ZFAT: variants seen among roughly 807,000 people sequenced by gnomAD.
ZFAT encodes zinc finger protein ZFAT.
In ZFAT, 64 loss-of-function variants were observed where a neutral mutation model predicts 117.7. That is an observed-to-expected ratio of 0.54 (90% CI 0.44 to 0.67). ZFAT has a LOEUF of 0.67. ZFAT is among the 30% of genes least tolerant of loss of function. ZFAT has a pLI of 0.00. For missense variants in ZFAT, 1,433 were observed against 1,584.5 expected, an observed-to-expected ratio of 0.90 and a Z score of 1.62; for synonymous variants, 679 against 615.0, an observed-to-expected ratio of 1.10 and a Z score of -1.54.
intron 10 of ZFAT, among the ~76,000 whole-genome samples, chr8:134,570,520 G>T (rs1012039488): frequency 4.6e-5 from 7 of 152,158 alleles, no homozygotes; most frequent in Non-Finnish European, 1.0e-4. Context: ...GCAGTGCACT[G>T]ATTCACCTTT....
chr8:134,722,690 G>A, the ZFAT span, among the ~76,000 whole-genome samples: 1 of 152,226 alleles, frequency 6.6e-6, no homozygotes, highest in Non-Finnish European at 1.5e-5. Flanking sequence ...GATAAGCATT[G>A]AGTGACAGGG....
intron 3 of ZFAT, among the ~76,000 whole-genome samples, chr8:134,621,986 C>T (rs1829146285): frequency 1.3e-5 from 2 of 152,238 alleles, no homozygotes; most frequent in Admixed American, 6.5e-5. Context: ...AACTTATCTG[C>T]ATCTGCAGAA....
At chr8:134,784,787 T>C in the ZFAT span, 36 of 152,344 alleles carry the variant, frequency 2.4e-4, no homozygotes, top group African/African-American at 8.4e-4. Context: ...TGGTAGTTCA[T>C]AAACTGCATT....
At chr8:134,639,166 T>C (rs1256592172) in intron 2 of ZFAT, among the ~76,000 whole-genome samples, 2 of 152,252 alleles carry the variant, frequency 1.3e-5, no homozygotes, top group Non-Finnish European at 2.9e-5. Context: ...GGAGCAGAGA[T>C]GGGCAGAACA....
At chr8:134,546,554 C>A (rs2130666051) in intron 11 of ZFAT, among the ~76,000 whole-genome samples, 1 of 152,300 alleles carries the variant, frequency 6.6e-6, no homozygotes, top group African/African-American at 2.4e-5. Context: ...AAAGCAATTT[C>A]ATCTAATCAG....
chr8:134,608,656 ATCCT>A, intron 5 of ZFAT, 69 bp downstream of exon 5: 1 of 1,525,920 alleles, frequency 6.6e-7, no homozygotes, highest in Non-Finnish European at 8.8e-7. Flanking sequence ...AAGCATGCTG[ATCCT>A]TCCTGCACTC....
the ZFAT span, among the ~76,000 whole-genome samples, chr8:134,817,096 C>G: frequency 6.6e-6 from 1 of 152,102 alleles, no homozygotes; most frequent in East Asian, 1.9e-4. Flanking sequence ...GGCTATGCTG[C>G]CCAGTTGATC....
chr8:134,633,927 T>C (rs1311231243), intron 3 of ZFAT, among the ~76,000 whole-genome samples: 1 of 152,154 alleles, frequency 6.6e-6, no homozygotes, highest in African/African-American at 2.4e-5. Flanking sequence ...ATGCCTGTAA[T>C]TGCAGCTACT....
At chr8:134,758,270 A>C in the ZFAT span, among the ~76,000 whole-genome samples, 7 of 152,226 alleles carry the variant, frequency 4.6e-5, no homozygotes, top group African/African-American at 1.2e-4. Flanking sequence ...ATGATCACCC[A>C]GGGTGAGTGC....
intron 1 of ZFAT, among the ~76,000 whole-genome samples, chr8:134,679,488 G>C (rs963507364): frequency 1.1e-4 from 17 of 152,248 alleles, no homozygotes; most frequent in African/African-American, 4.1e-4. Context: ...TACACTGTTG[G>C]TGGGAGTAAA....
At chr8:134,733,833 T>TC in the ZFAT span, among the ~76,000 whole-genome samples, 1 of 152,248 alleles carries the variant, frequency 6.6e-6, no homozygotes, top group Non-Finnish European at 1.5e-5. Flanking sequence ...TTTCCCATCA[T>TC]CCAAGACTGC....
rs145786938 is a variant in ZFAT at position 134,494,674 on chromosome 8, C to T, written c.3492+14945G>A. 7.6e-3 allele frequency among the ~76,000 whole-genome samples: 1,157 copies of T among 152,320 alleles called. 7 individuals are homozygous for T. The highest frequency in any genetic ancestry group is 0.024 in the Middle Eastern group (7 of 294). Reference sequence around the variant, plus strand: ...TCCTCCCTGGATAACCACAGAGCAACAGCCCTTGCCCAAGGTAGAAAAACC... The same window carrying T: ...TCCTCCCTGGATAACCACAGAGCAATAGCCCTTGCCCAAGGTAGAAAAACC... On this transcript the variant is annotated intron_variant, in intron 15 of 15. Coordinates refer to ENST00000377838, the MANE Select transcript of ZFAT (RefSeq NM_020863.4).
At chr8:134,746,740 A>G in the ZFAT span, among the ~76,000 whole-genome samples, 1 of 152,212 alleles carries the variant, frequency 6.6e-6, no homozygotes, top group Non-Finnish European at 1.5e-5. Flanking sequence ...TCAGCCAGAT[A>G]TCAATCAAGT....
chr8:134,635,068 G>C (rs1830123369), intron 3 of ZFAT, among the ~76,000 whole-genome samples: 1 of 152,190 alleles, frequency 6.6e-6, no homozygotes, highest in African/African-American at 2.4e-5. Context: ...CAGAGCTCAG[G>C]TGGTAATGCT....
At chr8:134,642,833 C>A (rs771821759) in intron 2 of ZFAT, among the ~76,000 whole-genome samples, 2 of 152,204 alleles carry the variant, frequency 1.3e-5, no homozygotes, top group African/African-American at 4.8e-5. Context: ...ATCTCCCTGA[C>A]GTTTATTTCC....
the ZFAT span, among the ~76,000 whole-genome samples, chr8:134,782,582 T>C: frequency 6.6e-6 from 1 of 152,288 alleles, no homozygotes. Flanking sequence ...CGGTGGCAGA[T>C]AACGGAATCA....
At chr8:134,613,806 T>G (rs1024006546) in intron 3 of ZFAT, among the ~76,000 whole-genome samples, 25 of 152,210 alleles carry the variant, frequency 1.6e-4, no homozygotes, top group Non-Finnish European at 2.8e-4. Flanking sequence ...GGTATTGCTA[T>G]GTCCACTGCC....
chr8:134,757,496 G>A, the ZFAT span, among the ~76,000 whole-genome samples: 1 of 152,128 alleles, frequency 6.6e-6, no homozygotes, highest in Non-Finnish European at 1.5e-5. Context: ...TGGCCAGCTG[G>A]CATGGAAGAT....
chr8:134,531,332 T>C (rs1247723595), intron 12 of ZFAT, among the ~76,000 whole-genome samples: 1 of 152,174 alleles, frequency 6.6e-6, no homozygotes, highest in Non-Finnish European at 1.5e-5. Flanking sequence ...ATCCCTAACC[T>C]GCAACTCTAG....
Sources: allele counts gnomAD v4.1 joint callset (sites outside exome capture counted in the v4.1 genomes callset), GRCh38; gene constraint gnomAD v4.1.1; transcripts MANE v1.5; gene names NCBI Gene and HGNC (gene_info 2026-07-23, HGNC 2026-07-21).